Variants in CCDC144A observed in about 807,000 individuals in gnomAD.
The protein encoded by CCDC144A is coiled-coil domain containing 144A.
Under a neutral mutation model 143.8 loss-of-function variants are expected in CCDC144A, and 41 were observed. That is an observed-to-expected ratio of 0.29 (90% CI 0.22 to 0.37). CCDC144A has a LOEUF of 0.37. Ranked by LOEUF, CCDC144A falls within the 10% of genes least tolerant of loss-of-function variation. The pLI is 1.00. For missense variants in CCDC144A, 637 were observed against 1,488.8 expected (o/e 0.43, Z 9.41); for synonymous variants, 242 against 517.9 (o/e 0.47, Z 7.23).
intron 12 of CCDC144A, among the ~76,000 whole-genome samples, chr17:16,753,989 A>T (rs1413566615): frequency 6.6e-6 from 1 of 152,220 alleles, no homozygotes; most frequent in Non-Finnish European, 1.5e-5. Flanking sequence ...GGTAAACTTT[A>T]TTACTGATTC....
intron 13 of CCDC144A, among the ~76,000 whole-genome samples, 192 bp downstream of exon 13, chr17:16,761,910 A>G (rs1567609976): frequency 1.3e-5 from 2 of 152,258 alleles, no homozygotes; most frequent in Non-Finnish European, 2.9e-5. Flanking sequence ...TTGATCTTCC[A>G]TAAGAATAAT....
At chr17:16,698,866 TATA>T (rs1477473135) in intron 2 of CCDC144A, among the ~76,000 whole-genome samples, 5 of 152,242 alleles carry the variant, frequency 3.3e-5, no homozygotes, top group Non-Finnish European at 5.9e-5. Flanking sequence ...AGGAAACTAA[TATA>T]ATGTCCTGGA....
At chr17:16,707,693 T>A (rs1001267271) in intron 4 of CCDC144A, among the ~76,000 whole-genome samples, 151 bp downstream of exon 4, 1 of 152,208 alleles carries the variant, frequency 6.6e-6, no homozygotes, top group Non-Finnish European at 1.5e-5. Flanking sequence ...TAAATACATT[T>A]AAACTAGTTA....
rs184918486 is a variant in CCDC144A, at chr17:16,771,892, T to G, written c.4099-85T>G. On this transcript the variant is annotated intron_variant, in intron 15 of 16. Coordinates refer to ENST00000399273, the MANE Select transcript of CCDC144A (RefSeq NM_001382000.1). ...TAGGTCTAGTCTGTAAAAGTATTATTTAAAGGCCGCATTTTGTAATTAATG... is the reference window on the plus strand; with the variant it reads ...TAGGTCTAGTCTGTAAAAGTATTATGTAAAGGCCGCATTTTGTAATTAATG... 1.2e-3 allele frequency: 1,320 copies of G among 1,140,902 alleles called. 9 individuals are homozygous for G. The African/African-American group carries it at 0.019, about 17-fold the overall frequency. The allele number at this position is 1,140,902 out of a possible 1,614,324, so 70.7% of individuals were successfully genotyped here. A position where few individuals can be genotyped will look rare whatever the true frequency, so the allele number is the denominator to read the frequency against.
At chr17:16,672,476 G>A in the CCDC144A span, among the ~76,000 whole-genome samples, 38 of 151,860 alleles carry the variant, frequency 2.5e-4, no homozygotes, top group African/African-American at 8.7e-4. Flanking sequence ...AAGAAAACCT[G>A]GGACATGTCA....
At chr17:16,677,817 A>AG in the CCDC144A span, among the ~76,000 whole-genome samples, 5 of 151,990 alleles carry the variant, frequency 3.3e-5, no homozygotes, top group African/African-American at 1.2e-4. Context: ...AAAAAAAGAA[A>AG]AAAAAAAAAA....
Position 16,720,995 on chromosome 17 carries a change from A to G in CCDC144A, c.1891+337A>G, listed in dbSNP as rs190057889. Among the ~76,000 whole-genome samples, 7 of 152,314 alleles carry G rather than the reference A, an allele frequency of 4.6e-5. No individual in the cohort carries two copies. The East Asian group carries it at 1.3e-3, about 29-fold the overall frequency. On this transcript the variant is annotated intron_variant, in intron 8 of 16. Coordinates refer to ENST00000399273, the MANE Select transcript of CCDC144A (RefSeq NM_001382000.1). ...ACCCCACCTCCTAAAACCATGGTCT[A>G]GTCTGCAATCATAATGATAAATTTT...
At chr17:16,747,400 T>C (rs571005957) in intron 12 of CCDC144A, among the ~76,000 whole-genome samples, 71 of 152,384 alleles carry the variant, frequency 4.7e-4, no homozygotes, top group African/African-American at 1.7e-3. Flanking sequence ...GTGTTTGGGC[T>C]CTTTTCTGGT....
intron 6 of CCDC144A, among the ~76,000 whole-genome samples, chr17:16,715,334 G>C (rs3114299): frequency 6.7e-6 from 1 of 148,298 alleles, no homozygotes; most frequent in Non-Finnish European, 1.5e-5. Flanking sequence ...AAGAAAGAAA[G>C]AAAAAGGTTT....
rs760734765 is a variant in CCDC144A, at chr17:16,734,672, G to C, written c.2419-18G>C. 1.3e-6 allele frequency: 2 copies of C among 1,503,734 alleles called. No homozygotes were observed. Among genetic ancestry groups the C allele is most frequent in the African/African-American group, 1.4e-5 (1 of 71,022 alleles). 93.1% of individuals were successfully genotyped at this position (1,503,734 alleles called of 1,614,324 possible). A position where few individuals can be genotyped will look rare whatever the true frequency, so the allele number is the denominator to read the frequency against. On this transcript the variant is annotated intron_variant, in intron 11 of 16. Transcript: ENST00000399273. ...GTCATTTTATTGAGTGCTACTGAAT[G>C]TTTCCTTTCTTACTTAGATTTCTCA...
At chr17:16,710,835 G>A (rs916162905) in intron 5 of CCDC144A, among the ~76,000 whole-genome samples, 1 of 151,982 alleles carries the variant, frequency 6.6e-6, no homozygotes, top group Non-Finnish European at 1.5e-5. Context: ...CAGTATTATG[G>A]AATTGTACTG....
chr17:16,690,645 G>C lies in CCDC144A; in HGVS notation c.245G>C (p.Gly82Ala). The C allele has an allele frequency of 8.7e-6, 14 of 1,613,830 alleles. No homozygotes were observed. Among genetic ancestry groups the C allele is most frequent in the Non-Finnish European group, 1.2e-5 (14 of 1,179,864 alleles). The change falls in exon 1 of 17, where the codon GGC becomes GCC. Residue 82 changes from glycine to alanine, a missense_variant. Gly to Ala is a moderately conservative substitution (Grantham distance 60). Transcript: ENST00000399273. The part of the protein sequence containing the change: ...PQHDVRLEDL[G>A]ELHRAARSGD... ...CACGACGTCCGCCTGGAAGATCTTG[G>C]CGAGCTCCACAGAGCTGCCCGGTCG...
At chr17:16,748,265 T>C (rs1273830952) in intron 12 of CCDC144A, among the ~76,000 whole-genome samples, 1 of 152,182 alleles carries the variant, frequency 6.6e-6, no homozygotes, top group Admixed American at 6.5e-5. Context: ...GAGGTCTGTT[T>C]CTTTGATGCC....
chr17:16,732,874 G>C (rs1913809635), intron 11 of CCDC144A, among the ~76,000 whole-genome samples: 3 of 151,004 alleles, frequency 2.0e-5, no homozygotes, highest in Non-Finnish European at 1.5e-5. Flanking sequence ...CCATTTGTTT[G>C]CAAGAGTCAA....
intron 3 of CCDC144A, chr17:16,706,440 C>G (rs1354182260): frequency 7.0e-6 from 1 of 142,452 alleles, no homozygotes; most frequent in African/African-American, 2.9e-5. Flanking sequence ...CCTGTGTGCC[C>G]TTTCTCTGGC....
At chr17:16,669,310 G>GT in the CCDC144A span, among the ~76,000 whole-genome samples, 1 of 152,250 alleles carries the variant, frequency 6.6e-6, no homozygotes, top group Admixed American at 6.5e-5. Context: ...TACATTCCAG[G>GT]TCCAAATCAC....
At chr17:16,769,383 GA>G in intron 15 of CCDC144A, among the ~76,000 whole-genome samples, 1 of 152,254 alleles carries the variant, frequency 6.6e-6, no homozygotes. Flanking sequence ...GGATTTAAGT[GA>G]TAATTGAAAT....
the CCDC144A span, among the ~76,000 whole-genome samples, chr17:16,679,995 C>T: frequency 6.6e-6 from 1 of 151,944 alleles, no homozygotes; most frequent in South Asian, 2.1e-4. Context: ...TTTTTTTAAA[C>T]TTTAGAAGAA....
Position 16,771,079 on chromosome 17 carries a change from T to C in CCDC144A, c.4099-898T>C, listed in dbSNP as rs1280670618. 2.6e-5 allele frequency among the ~76,000 whole-genome samples: 4 copies of C among 152,236 alleles called. No individual in the cohort carries two copies. The East Asian group carries it at 5.8e-4, about 22-fold the overall frequency. ...CCACAAACTATCTCAGACCCCGTTC[T>C]AGGCATTTAGTGAGAGAATACCTAT... On this transcript the variant is annotated intron_variant, in intron 15 of 16. Coordinates refer to ENST00000399273, the MANE Select transcript of CCDC144A (RefSeq NM_001382000.1).
Sources: allele counts gnomAD v4.1 joint callset (sites outside exome capture counted in the v4.1 genomes callset), GRCh38; gene constraint gnomAD v4.1.1; transcripts MANE v1.5; gene names NCBI Gene and HGNC (gene_info 2026-07-23, HGNC 2026-07-21).